The following CALN1 variants were observed in gnomAD, a reference collection of about 807,000 sequenced individuals.
The protein encoded by CALN1 is calneuron 1, also known as calcium-binding protein 8.
Under a neutral mutation model 30.6 loss-of-function variants are expected in CALN1, and 17 were observed. The ratio of observed to expected loss-of-function variants is 0.56; its 90% CI spans 0.38 to 0.83. The LOEUF (loss-of-function observed/expected upper bound fraction) is 0.83, where lower values mean the gene tolerates loss of function less well. Among genes scored for constraint, CALN1 ranks in the 40% least tolerant of loss-of-function variants. The pLI is 0.00. For missense variants in CALN1, 291 were observed against 354.9 expected (o/e 0.82, Z 1.45); for synonymous variants, 156 against 131.4 (o/e 1.19, Z -1.28).
chr7:72,214,483 A>C (rs534355402), intron 3 of CALN1, among the ~76,000 whole-genome samples: 97 of 152,262 alleles, frequency 6.4e-4, no homozygotes, highest in African/African-American at 2.1e-3. Context: ...CATCTCAGAA[A>C]AAAAAAGAAA....
chr7:72,154,513 GCAATGTCTCTACA>G (rs2129544393), intron 3 of CALN1, among the ~76,000 whole-genome samples: 1 of 152,298 alleles, frequency 6.6e-6, no homozygotes, highest in African/African-American at 2.4e-5. Flanking sequence ...CAATGTGTCA[GCAATGTCTCTACA>G]CAACACTCTT....
chr7:72,038,683 A>T (rs890745019), intron 4 of CALN1, among the ~76,000 whole-genome samples: 2 of 152,224 alleles, frequency 1.3e-5, no homozygotes, highest in African/African-American at 2.4e-5. Flanking sequence ...AACAGATTGC[A>T]GTAAAGAAAC....
intron 3 of CALN1, among the ~76,000 whole-genome samples, chr7:72,266,154 A>C (rs964331966): frequency 1.3e-5 from 2 of 151,852 alleles, no homozygotes; most frequent in Non-Finnish European, 2.9e-5. Context: ...AAAAAAACTA[A>C]ACTACAATGT....
intron 4 of CALN1, among the ~76,000 whole-genome samples, chr7:72,085,212 A>G (rs1479951954): frequency 6.6e-6 from 1 of 152,160 alleles, no homozygotes; most frequent in African/African-American, 2.4e-5. Flanking sequence ...TGGCAGCTCA[A>G]GCCTGTGATC....
chr7:71,917,058 A>G (rs1423423379), intron 5 of CALN1, among the ~76,000 whole-genome samples: 1 of 152,186 alleles, frequency 6.6e-6, no homozygotes, highest in Non-Finnish European at 1.5e-5. Flanking sequence ...AATGGATTTA[A>G]CAGCCTAAGA....
chr7:72,497,104 A>T, the CALN1 span, among the ~76,000 whole-genome samples: 1 of 152,184 alleles, frequency 6.6e-6, no homozygotes, highest in Non-Finnish European at 1.5e-5. Flanking sequence ...AGGGAAAAAA[A>T]GCTGAGCAGA....
the CALN1 span, among the ~76,000 whole-genome samples, chr7:72,455,652 G>A: frequency 6.6e-6 from 1 of 152,084 alleles, no homozygotes; most frequent in South Asian, 2.1e-4. Context: ...CATGGAGGAG[G>A]CTCCTGAGAT....
chr7:72,381,364 C>T (rs1206864937), intron 2 of CALN1, among the ~76,000 whole-genome samples: 3 of 152,256 alleles, frequency 2.0e-5, no homozygotes, highest in East Asian at 1.9e-4. Context: ...ACAAATCATT[C>T]TACTATAAAG....
At chr7:72,402,721 GAGAC>G (rs1285744008) in intron 2 of CALN1, among the ~76,000 whole-genome samples, 3 of 152,172 alleles carry the variant, frequency 2.0e-5, no homozygotes, top group Non-Finnish European at 2.9e-5. Flanking sequence ...TCAATGACCA[GAGAC>G]AGACAGGGTA....
At chr7:71,902,189 A>G (rs1045080909) in intron 5 of CALN1, among the ~76,000 whole-genome samples, 4 of 151,864 alleles carry the variant, frequency 2.6e-5, no homozygotes, top group African/African-American at 9.7e-5. Context: ...GAGCCACTGC[A>G]CTCCAGCCTG....
intron 3 of CALN1, among the ~76,000 whole-genome samples, chr7:72,238,297 A>G (rs1794608608): frequency 6.6e-6 from 1 of 152,088 alleles, no homozygotes; most frequent in Non-Finnish European, 1.5e-5. Flanking sequence ...CCATCCAGAG[A>G]AACAAATGTC....
intron 3 of CALN1, among the ~76,000 whole-genome samples, chr7:72,245,754 C>T (rs975336696): frequency 2.0e-5 from 3 of 152,194 alleles, no homozygotes; most frequent in Admixed American, 2.0e-4. Flanking sequence ...CAGGTATCTG[C>T]GACTCCAAAG....
intron 4 of CALN1, among the ~76,000 whole-genome samples, chr7:72,060,370 G>A (rs373258239): frequency 3.1e-4 from 47 of 152,226 alleles, no homozygotes; most frequent in African/African-American, 1.0e-3. Flanking sequence ...ATAAGAGTAG[G>A]ACAAATAAAG....
At chr7:72,217,594 A>T (rs934309671) in intron 3 of CALN1, among the ~76,000 whole-genome samples, 4 of 152,100 alleles carry the variant, frequency 2.6e-5, no homozygotes, top group Non-Finnish European at 5.9e-5. Context: ...AGAGATTGTC[A>T]TCAGAGAAGG....
At chr7:72,326,407 G>A (rs1313517783) in intron 2 of CALN1, among the ~76,000 whole-genome samples, 1 of 152,182 alleles carries the variant, frequency 6.6e-6, no homozygotes, top group Non-Finnish European at 1.5e-5. Context: ...TAAAATGGGA[G>A]AAATAAAGCA....
chr7:72,106,418 T>G (rs1807113534), intron 3 of CALN1, 124 bp from the exon 4 acceptor site: 2 of 1,161,056 alleles, frequency 1.7e-6, no homozygotes, highest in South Asian at 3.1e-5. Context: ...TAAAACTCTT[T>G]AATCAGATAA....
intron 2 of CALN1, among the ~76,000 whole-genome samples, chr7:72,364,408 A>T (rs1803758379): frequency 6.6e-6 from 1 of 152,228 alleles, no homozygotes; most frequent in Non-Finnish European, 1.5e-5. Flanking sequence ...ATGTATCTGT[A>T]ATTGTCATAC....
intron 2 of CALN1, among the ~76,000 whole-genome samples, chr7:72,295,973 C>T (rs1283704861): frequency 6.6e-6 from 1 of 151,792 alleles, no homozygotes; most frequent in Non-Finnish European, 1.5e-5. Context: ...CAGTTTTTGC[C>T]CATTCAGTAT....
rs1386951664 is a variant in CALN1, at chr7:72,412,327, CCA to C, written c.-345_-344del. On this transcript the variant is annotated 5_prime_UTR_variant, in exon 1 of 7. Coordinates refer to ENST00000395275, the MANE Select transcript of CALN1 (RefSeq NM_031468.4). Reference sequence around the variant, plus strand: ...AACACAAACTCAAGCGGATAGCACCCCAGCGAGCTTCCCCAGCGGGCTCGGGG... The same window carrying C: ...AACACAAACTCAAGCGGATAGCACCCGCGAGCTTCCCCAGCGGGCTCGGGG... The C allele has an allele frequency of 5.0e-4, 76 of 152,150 alleles. No individual in the cohort carries two copies. Among genetic ancestry groups the C allele is most frequent in the African/African-American group, 1.7e-3 (70 of 41,410 alleles). The allele number at this position is 152,150 out of a possible 1,614,324, so 9.4% of individuals were successfully genotyped here.
Sources: allele counts gnomAD v4.1 joint callset (sites outside exome capture counted in the v4.1 genomes callset), GRCh38; gene constraint gnomAD v4.1.1; transcripts MANE v1.5; gene names NCBI Gene and HGNC (gene_info 2026-07-23, HGNC 2026-07-21).